Variants in STXBP3 observed in about 807,000 individuals in gnomAD.
The protein encoded by STXBP3 is syntaxin-binding protein 3.
In STXBP3, 41 loss-of-function variants were observed where a neutral mutation model predicts 85.7. That is an observed-to-expected ratio of 0.48 (90% confidence interval 0.37 to 0.62). The LOEUF (loss-of-function observed/expected upper bound fraction) is 0.62, where lower values mean the gene tolerates loss of function less well. STXBP3 is among the 20% of genes least tolerant of loss of function. The probability of loss-of-function intolerance (pLI) is 0.00; values close to 1 mark genes in which losing one functional copy is unlikely to be tolerated. For missense variants in STXBP3, 563 were observed against 703.1 expected (o/e 0.80, Z 2.25); for synonymous variants, 229 against 231.7 (o/e 0.99, Z 0.10).
At chr1:108,806,164 G>A (rs1370397324) in intron 17 of STXBP3, among the ~76,000 whole-genome samples, 1 of 151,964 alleles carries the variant, frequency 6.6e-6, no homozygotes, top group African/African-American at 2.4e-5. Context: ...TGGAGCTTGT[G>A]AACAAAAAAA....
Position 108,800,226 on chromosome 1 carries a change from A to G in STXBP3, c.1456A>G (p.Ile486Val), listed in dbSNP as rs1570774623. The part of the protein sequence containing the change: ...PFIKDIMEDA[I>V]DNRLDSKEWP... ...TAACTCTTTCCTTCCTTAGGATGCT[A>G]TTGATAATAGATTAGATTCAAAAGA... Residue 486 changes from isoleucine to valine, a missense_variant, in exon 17 of 19, where the codon ATT becomes GTT. By Grantham distance (29) the Ile-to-Val change is conservative. Coordinates refer to ENST00000370008, the MANE Select transcript of STXBP3 (RefSeq NM_007269.4). 1.2e-6 allele frequency: 2 copies of G among 1,606,658 alleles called. No homozygotes were observed. Among genetic ancestry groups the G allele is most frequent in the Non-Finnish European group, 1.7e-6 (2 of 1,173,448 alleles).
intron 1 of STXBP3, among the ~76,000 whole-genome samples, chr1:108,750,397 C>T (rs1661874925): frequency 6.6e-6 from 1 of 152,116 alleles, no homozygotes; most frequent in Non-Finnish European, 1.5e-5. Flanking sequence ...TCATATAACA[C>T]TATAATCCTC....
intron 6 of STXBP3, among the ~76,000 whole-genome samples, chr1:108,764,023 C>T (rs76196751): frequency 3.9e-5 from 6 of 152,074 alleles, no homozygotes; most frequent in Admixed American, 1.3e-4. Flanking sequence ...TTTTCTATTC[C>T]TTTCCCTCCT....
intron 8 of STXBP3, 50 bp from the exon 9 acceptor site, chr1:108,779,236 C>A: frequency 6.4e-7 from 1 of 1,567,460 alleles, no homozygotes; most frequent in South Asian, 1.2e-5. Flanking sequence ...AAACTATGTT[C>A]ACACTAAGAA....
Position 108,808,988 on chromosome 1 carries a change from C to G in STXBP3, c.*111C>G. 1 of 698,722 alleles carries G rather than the reference C, an allele frequency of 1.4e-6. No homozygotes were observed. Among genetic ancestry groups the G allele is most frequent in the Non-Finnish European group, 2.3e-6 (1 of 426,492 alleles). The allele number at this position is 698,722 out of a possible 1,614,324, so 43.3% of individuals were successfully genotyped here. A position where few individuals can be genotyped will look rare whatever the true frequency, so the allele number is the denominator to read the frequency against. On this transcript the variant is annotated 3_prime_UTR_variant, in exon 19 of 19. Transcript: ENST00000370008. ...ATGTAAATATTTTATGGAATAATGG[C>G]TTTTCAAATACATTTCTTAAGGAAC...
At chr1:108,808,276 C>G (rs896043661) in intron 18 of STXBP3, among the ~76,000 whole-genome samples, 8 of 152,118 alleles carry the variant, frequency 5.3e-5, no homozygotes, top group Non-Finnish European at 1.0e-4. Flanking sequence ...CTTTGGGAGG[C>G]CAAAGCAGAA....
chr1:108,799,519 C>T (rs1663188669), intron 16 of STXBP3, among the ~76,000 whole-genome samples: 1 of 152,058 alleles, frequency 6.6e-6, no homozygotes, highest in African/African-American at 2.4e-5. Context: ...GATTTCCTCC[C>T]TTCTTGCAGT....
chr1:108,779,481 T>C, intron 9 of STXBP3, 71 bp downstream of exon 9: 1 of 1,437,996 alleles, frequency 7.0e-7, no homozygotes, highest in Non-Finnish European at 9.2e-7. Flanking sequence ...TAATGATTTA[T>C]ATAGGCACCA....
chr1:108,808,847 G>A lies in STXBP3; in HGVS notation c.1749G>A (p.Lys583=), dbSNP rs1411497255. ...ATATAAAGATGCTGAATAAACCCAAGGATAAAGTCTCCTTAATTAAAGATG... is the reference window on the plus strand; with the variant it reads ...ATATAAAGATGCTGAATAAACCCAAAGATAAAGTCTCCTTAATTAAAGATG... ...LDDIKMLNKP[K]DKVSLIKDE The change falls in exon 19 of 19, where the codon AAG becomes AAA. Residue 583 remains lysine, a synonymous_variant. Transcript: ENST00000370008. The A allele has an allele frequency of 2.5e-6, 4 of 1,611,836 alleles. No homozygotes were observed. The highest frequency in any genetic ancestry group is 2.2e-5 in the East Asian group (1 of 44,732).
chr1:108,758,500 CTTT>C lies in STXBP3; in HGVS notation c.259-6_259-4del. ...AATAAAATGTGTATTAACATCTAAC[CTTT>C]TTTAAGTCTGTAGATTGTTTCTTAC... On this transcript the variant is annotated splice_region_variant and splice_polypyrimidine_tract_variant and intron_variant, in intron 4 of 18. Coordinates refer to ENST00000370008, the MANE Select transcript of STXBP3 (RefSeq NM_007269.4). 2 of 1,451,876 alleles carry C rather than the reference CTTT, an allele frequency of 1.4e-6. No individual in the cohort carries two copies. Among genetic ancestry groups the C allele is most frequent in the Middle Eastern group, 1.8e-4 (1 of 5,558 alleles). The allele number at this position is 1,451,876 out of a possible 1,614,324, so 89.9% of individuals were successfully genotyped here. A position where few individuals can be genotyped will look rare whatever the true frequency, so the allele number is the denominator to read the frequency against.
At chr1:108,782,280 G>A (rs1662729562) in intron 9 of STXBP3, 142 bp from the exon 10 acceptor site, 6 of 609,252 alleles carry the variant, frequency 9.8e-6, no homozygotes, top group Non-Finnish European at 2.9e-6. Context: ...GTTTTGAGTA[G>A]GTATTCATTA....
At chr1:108,746,854 C>A in intron 1 of STXBP3, 68 bp downstream of exon 1, 1 of 1,500,846 alleles carries the variant, frequency 6.7e-7, no homozygotes, top group Non-Finnish European at 9.1e-7. Flanking sequence ...CCTCGTTTTG[C>A]AGCCCCAACC....
intron 6 of STXBP3, among the ~76,000 whole-genome samples, chr1:108,768,185 A>G (rs1662309849): frequency 6.6e-6 from 1 of 152,242 alleles, no homozygotes; most frequent in Non-Finnish European, 1.5e-5. Context: ...ATGGGATACA[A>G]TTTGATGTTT....
Position 108,772,390 on chromosome 1 carries a change from ATATAAATAC to A in STXBP3, c.439-274_439-266del, listed in dbSNP as rs1557806658. ...ATATAAATACATATGATATCTGTAT[ATATAAATAC>A]ATATGATATCTATCTGTATATATAA... On this transcript the variant is annotated intron_variant, in intron 6 of 18. Transcript: ENST00000370008. Among the ~76,000 whole-genome samples the A allele has an allele frequency of 1.2e-3, 54 of 46,848 alleles. 15 individuals are homozygous for A. Among genetic ancestry groups the A allele is most frequent in the African/African-American group, 5.0e-3 (53 of 10,564 alleles). 30.7% of individuals were successfully genotyped at this position (46,848 alleles called of 152,430 possible).
At chr1:108,808,187 T>C in intron 18 of STXBP3, among the ~76,000 whole-genome samples, 1 of 152,198 alleles carries the variant, frequency 6.6e-6, no homozygotes, top group Non-Finnish European at 1.5e-5. Flanking sequence ...GATATGGACA[T>C]GACATTGGCA....
intron 11 of STXBP3, among the ~76,000 whole-genome samples, chr1:108,783,498 T>G (rs1170154580): frequency 3.3e-5 from 5 of 152,210 alleles, no homozygotes; most frequent in Admixed American, 2.6e-4. Flanking sequence ...GTAATTCATT[T>G]TTTTCATTTG....
At chr1:108,772,843 T>C in intron 7 of STXBP3, 24 bp downstream of exon 7, 1 of 1,546,474 alleles carries the variant, frequency 6.5e-7, no homozygotes, top group Non-Finnish European at 8.8e-7. Flanking sequence ...CATCTGCACA[T>C]GTTATGCTTC....
intron 6 of STXBP3, among the ~76,000 whole-genome samples, chr1:108,765,431 C>A (rs907488285): frequency 6.6e-6 from 1 of 152,196 alleles, no homozygotes; most frequent in African/African-American, 2.4e-5. Flanking sequence ...TCCAGCAAAA[C>A]AATCTAGTTC....
At chr1:108,806,018 C>T (rs1402674126) in intron 17 of STXBP3, among the ~76,000 whole-genome samples, 1 of 152,000 alleles carries the variant, frequency 6.6e-6, no homozygotes, top group African/African-American at 2.4e-5. Flanking sequence ...TTATTTTTAC[C>T]TAAAAAAGAA....
Sources: gnomAD v4.1 joint callset for allele counts (sites outside exome capture counted in the v4.1 genomes callset) on GRCh38, gnomAD v4.1.1 for gene constraint, MANE v1.5 for transcripts, NCBI Gene and HGNC (gene_info 2026-07-23, HGNC 2026-07-21) for gene names.